AASS: variants seen among roughly 807,000 people sequenced by gnomAD.
The protein encoded by AASS is alpha-aminoadipic semialdehyde synthase, mitochondrial.
A neutral mutation model predicts 105.4 loss-of-function variants in AASS; 86 were observed. That is an observed-to-expected ratio of 0.82 (90% CI 0.69 to 0.98). The LOEUF is 0.98. AASS is among the 50% of genes least tolerant of loss of function. AASS has a pLI of 0.00. For missense variants in AASS, 1,048 were observed against 1,143.2 expected (o/e 0.92, Z 1.20); for synonymous variants, 381 against 394.8 (o/e 0.96, Z 0.41).
At chr7:122,087,010 C>T (rs1041820856) in intron 18 of AASS, among the ~76,000 whole-genome samples, 1 of 152,132 alleles carries the variant, frequency 6.6e-6, no homozygotes, top group Admixed American at 6.6e-5. Flanking sequence ...TAAAGGAAAG[C>T]ATTCTGGAGT....
chr7:122,139,878 G>A (rs1453995699), intron 1 of AASS, among the ~76,000 whole-genome samples: 9 of 152,114 alleles, frequency 5.9e-5, no homozygotes, highest in African/African-American at 2.2e-4. Context: ...CTTGAGCCCA[G>A]GAGGCGAAGT....
chr7:122,139,821 G>A (rs1047817459), intron 1 of AASS, among the ~76,000 whole-genome samples: 6 of 151,952 alleles, frequency 3.9e-5, no homozygotes, highest in Admixed American at 1.3e-4. Context: ...GCGTGGTGGC[G>A]CATGCTGGTA....
At position 122,079,583 on chromosome 7, in the gene AASS, T is replaced by G; in HGVS notation, c.2396+14A>C. ...CCAGTATATTTTGCTCTAAGTTGAG[T>G]GGTGGGTGCCTACCATTCAGCAGCC... On this transcript the variant is annotated intron_variant, in intron 21 of 23. Coordinates refer to ENST00000417368, the MANE Select transcript of AASS (RefSeq NM_005763.4). 6.4e-7 allele frequency: 1 copy of G among 1,564,032 alleles called. No individual in the cohort carries two copies.
chr7:122,139,462 A>G (rs1584908071), intron 1 of AASS, among the ~76,000 whole-genome samples: 2 of 152,352 alleles, frequency 1.3e-5, no homozygotes, highest in East Asian at 3.9e-4. Context: ...ATCTAGTATT[A>G]CAAATGAGAA....
At chr7:122,096,817 C>T (rs75420459) in intron 15 of AASS, among the ~76,000 whole-genome samples, 33,916 of 151,836 alleles carry the variant, frequency 0.22, 4,020 homozygotes, top group African/African-American at 0.31. Flanking sequence ...AGATTGATGT[C>T]TTTGTCCATT....
At chr7:122,131,399 A>G (rs1795911537) in intron 2 of AASS, among the ~76,000 whole-genome samples, 1 of 151,884 alleles carries the variant, frequency 6.6e-6, no homozygotes, top group South Asian at 2.1e-4. Context: ...AGTTGTAATA[A>G]TAGTATTGTG....
At chr7:122,125,370 G>A (rs528697495) in intron 4 of AASS, among the ~76,000 whole-genome samples, 33 of 152,224 alleles carry the variant, frequency 2.2e-4, no homozygotes, top group Middle Eastern at 3.4e-3. Flanking sequence ...CCCTGGTGCC[G>A]TAAAGAAACA....
intron 19 of AASS, among the ~76,000 whole-genome samples, chr7:122,085,158 A>G (rs548152929): frequency 4.6e-5 from 7 of 152,162 alleles, no homozygotes; most frequent in Non-Finnish European, 7.3e-5. Context: ...CTGATGCACA[A>G]ATTGGATGGA....
intron 6 of AASS, among the ~76,000 whole-genome samples, chr7:122,118,024 T>C (rs1262586276): frequency 6.6e-6 from 1 of 151,968 alleles, no homozygotes; most frequent in Non-Finnish European, 1.5e-5. Flanking sequence ...TAGCTTGCAA[T>C]AAACTAAAAG....
At chr7:122,098,336 CA>C in intron 15 of AASS, 113 bp downstream of exon 15, 1 of 1,200,512 alleles carries the variant, frequency 8.3e-7, no homozygotes, top group Non-Finnish European at 1.2e-6. Context: ...ACCCATACTT[CA>C]ATTAAAAACT....
At chr7:122,140,784 G>A (rs1294059251) in intron 1 of AASS, among the ~76,000 whole-genome samples, 2 of 151,158 alleles carry the variant, frequency 1.3e-5, no homozygotes, top group Non-Finnish European at 2.9e-5. Context: ...TAAATATTGA[G>A]AGACTAAGAA....
chr7:122,115,283 G>A lies in AASS; in HGVS notation c.895-61C>T, dbSNP rs551484807. On this transcript the variant is annotated intron_variant, in intron 8 of 23. Coordinates refer to ENST00000417368, the MANE Select transcript of AASS (RefSeq NM_005763.4). Reference sequence around the variant, plus strand: ...ATAGCCTATTTTAATACAGTATACTGAAAGAAAGCTATCAGTAAATTCTAT... The same window carrying A: ...ATAGCCTATTTTAATACAGTATACTAAAAGAAAGCTATCAGTAAATTCTAT... The A allele has an allele frequency of 8.5e-5, 134 of 1,569,854 alleles. No individual in the cohort carries two copies. In the African/African-American group the frequency reaches 9.6e-4, roughly 11 times the overall value.
intron 20 of AASS, 42 bp from the exon 21 acceptor site, chr7:122,079,754 A>G (rs753392943): frequency 1.4e-6 from 2 of 1,473,688 alleles, no homozygotes; most frequent in African/African-American, 2.8e-5. Context: ...GTCCCTAACA[A>G]ATTTTTTTTT....
In AASS at chr7:122,081,594, C is replaced by A; in HGVS notation, c.2186G>T (p.Gly729Val). 2 of 1,605,512 alleles carry A rather than the reference C, an allele frequency of 1.2e-6. No homozygotes were observed. Among genetic ancestry groups the A allele is most frequent in the Non-Finnish European group, 1.7e-6 (2 of 1,172,356 alleles). Reference protein sequence around the residue: ...TLLRGTLRYKGYMKALNGFVK... With the variant: ...TLLRGTLRYKVYMKALNGFVK... The stretch of plus-strand genomic sequence containing the variant: ...AAATCCATTCAAAGCTTTCATATAT[C>A]CCTGAAACAAGAATTAATAAGCAGT... The change falls in exon 20 of 24, where the codon GGA becomes GTA. Residue 729 changes from glycine to valine, a missense_variant and splice_region_variant. By Grantham distance (109) the Gly-to-Val change is moderately radical. Transcript: ENST00000417368.
intron 11 of AASS, among the ~76,000 whole-genome samples, chr7:122,109,585 T>G (rs1408936127): frequency 2.0e-5 from 3 of 151,950 alleles, no homozygotes; most frequent in Non-Finnish European, 4.4e-5. Flanking sequence ...CTGGGAAAAT[T>G]GGATATCTAC....
chr7:122,092,983 C>G (rs374405179), intron 16 of AASS, 32 bp from the exon 17 acceptor site: 12 of 1,612,322 alleles, frequency 7.4e-6, no homozygotes, highest in Non-Finnish European at 1.0e-5. Flanking sequence ...AAAAGGAAAA[C>G]TTGGATATAA....
intron 3 of AASS, among the ~76,000 whole-genome samples, chr7:122,127,989 C>T (rs374677648): frequency 7.2e-5 from 11 of 152,162 alleles, no homozygotes; most frequent in African/African-American, 2.7e-4. Flanking sequence ...CCCACCGAAG[C>T]CTTTTTCTCT....
chr7:122,110,663 C>T (rs1315966811), intron 11 of AASS, among the ~76,000 whole-genome samples: 1 of 151,740 alleles, frequency 6.6e-6, no homozygotes, highest in Non-Finnish European at 1.5e-5. Context: ...CTGACAAAGA[C>T]CTTATAATAA....
chr7:122,091,594 G>A, intron 18 of AASS, 109 bp downstream of exon 18: 1 of 1,517,110 alleles, frequency 6.6e-7, no homozygotes. Flanking sequence ...GGAGATAATG[G>A]AGACAGGCAG....
Sources: gnomAD v4.1 joint callset for allele counts (sites outside exome capture counted in the v4.1 genomes callset) on GRCh38, gnomAD v4.1.1 for gene constraint, MANE v1.5 for transcripts, NCBI Gene and HGNC (gene_info 2026-07-23, HGNC 2026-07-21) for gene names.